Variants in TMEM132D observed in about 807,000 individuals in gnomAD.
TMEM132D encodes the protein transmembrane protein 132D.
A neutral mutation model predicts 62.3 loss-of-function variants in TMEM132D; 21 were observed. That is an observed-to-expected ratio of 0.34 (90% confidence interval 0.24 to 0.49). The LOEUF is 0.49. TMEM132D is among the 20% of genes least tolerant of loss of function. TMEM132D has a pLI of 0.99. For missense variants in TMEM132D, 1,346 were observed against 1,402.8 expected, an observed-to-expected ratio of 0.96 and a Z score of 0.65; for synonymous variants, 621 against 575.6, an observed-to-expected ratio of 1.08 and a Z score of -1.13.
intron 3 of TMEM132D, among the ~76,000 whole-genome samples, chr12:129,362,610 T>C (rs1289794718): frequency 6.6e-6 from 1 of 152,158 alleles, no homozygotes; most frequent in Non-Finnish European, 1.5e-5. Flanking sequence ...TTTTTCTTAT[T>C]TTAAAAAAAC....
intron 2 of TMEM132D, among the ~76,000 whole-genome samples, chr12:129,541,074 T>C (rs1442407802): frequency 6.6e-6 from 1 of 152,208 alleles, no homozygotes; most frequent in African/African-American, 2.4e-5. Context: ...CATGCACACA[T>C]TTCTTACACT....
chr12:129,166,272 T>C (rs1906086), intron 5 of TMEM132D, among the ~76,000 whole-genome samples: 92,559 of 151,572 alleles, frequency 0.61, 28,944 homozygotes, highest in Non-Finnish European at 0.68. Flanking sequence ...ACAATGGGGA[T>C]GGGGGACTGT....
chr12:129,474,140 G>A (rs752709301), intron 3 of TMEM132D, among the ~76,000 whole-genome samples: 16 of 152,222 alleles, frequency 1.1e-4, no homozygotes, highest in South Asian at 2.1e-4. Context: ...CAACACAGTC[G>A]GTTTCTGGGC....
In TMEM132D at chr12:129,795,705, T is replaced by C. The variant is rs563913184; in HGVS notation, c.80-95007A>G. 3.3e-5 allele frequency among the ~76,000 whole-genome samples: 5 copies of C among 152,336 alleles called. No individual in the cohort carries two copies. In the South Asian group the frequency reaches 1.0e-3, roughly 32 times the overall value. On this transcript the variant is annotated intron_variant, in intron 1 of 8. Transcript: ENST00000422113. ...TTTACATCAAAAATGTATGTTGGGT[T>C]TTATCGAAATTGTAGTTGACATACA...
chr12:129,484,761 T>A (rs1480793798), intron 3 of TMEM132D, among the ~76,000 whole-genome samples: 3 of 152,206 alleles, frequency 2.0e-5, no homozygotes, highest in Non-Finnish European at 2.9e-5. Context: ...TTAACTAAAA[T>A]CACACCCAAA....
At chr12:129,370,589 A>T (rs375053875) in intron 3 of TMEM132D, among the ~76,000 whole-genome samples, 2 of 152,368 alleles carry the variant, frequency 1.3e-5, no homozygotes, top group South Asian at 2.1e-4. Flanking sequence ...ACTCTTCTTC[A>T]TAAAGACTTC....
chr12:129,803,491 C>T (rs1043399761), intron 1 of TMEM132D, among the ~76,000 whole-genome samples: 189 of 151,958 alleles, frequency 1.2e-3, no homozygotes, highest in Admixed American at 3.7e-3. Context: ...TTGAAACCAA[C>T]GAGAAGAAAG....
At chr12:129,778,549 C>G (rs1341917868) in intron 1 of TMEM132D, among the ~76,000 whole-genome samples, 3 of 152,212 alleles carry the variant, frequency 2.0e-5, no homozygotes, top group African/African-American at 7.2e-5. Context: ...CCCCCAGGCA[C>G]AGTCATCCTG....
At chr12:129,249,256 T>G (rs1880203846) in intron 4 of TMEM132D, among the ~76,000 whole-genome samples, 1 of 152,370 alleles carries the variant, frequency 6.6e-6, no homozygotes, top group Non-Finnish European at 1.5e-5. Context: ...TGTTTACAAT[T>G]GGCACTTCCT....
intron 3 of TMEM132D, among the ~76,000 whole-genome samples, chr12:129,507,923 C>T (rs1875386620): frequency 6.6e-6 from 1 of 152,068 alleles, no homozygotes; most frequent in South Asian, 2.1e-4. Context: ...ATGTTAGACA[C>T]CAAAACTCCA....
At chr12:129,159,063 AATTCCAGATG>A (rs1169809669) in intron 5 of TMEM132D, among the ~76,000 whole-genome samples, 1 of 152,220 alleles carries the variant, frequency 6.6e-6, no homozygotes, top group Non-Finnish European at 1.5e-5. Context: ...TTGGGATTAC[AATTCCAGATG>A]AGATTTGGGT....
At chr12:129,836,448 A>T (rs1873006993) in intron 1 of TMEM132D, among the ~76,000 whole-genome samples, 1 of 151,774 alleles carries the variant, frequency 6.6e-6, no homozygotes, top group African/African-American at 2.4e-5. Context: ...TTGTTAACTA[A>T]ATGATTCTGA....
rs563674606 is a variant in TMEM132D at position 129,300,272 on chromosome 12, G to A, written c.1299+37362C>T. On this transcript the variant is annotated intron_variant, in intron 4 of 8. Transcript: ENST00000422113. ...GTGATTAACCTGCAAAGCAAGGCAAGTTGCCACATAGGAACCCTATAAGAG... is the reference window on the plus strand; with the variant it reads ...GTGATTAACCTGCAAAGCAAGGCAAATTGCCACATAGGAACCCTATAAGAG... 5.9e-5 allele frequency among the ~76,000 whole-genome samples: 9 copies of A among 152,336 alleles called. No homozygotes were observed. In the South Asian group the frequency reaches 1.9e-3, roughly 32 times the overall value.
chr12:129,535,530 G>A (rs994541765), intron 2 of TMEM132D, among the ~76,000 whole-genome samples: 3 of 152,166 alleles, frequency 2.0e-5, no homozygotes, highest in Admixed American at 2.0e-4. Flanking sequence ...AGAGACTTAG[G>A]CTGATGACAA....
At chr12:129,440,454 G>A (rs557094117) in intron 3 of TMEM132D, among the ~76,000 whole-genome samples, 16 of 152,290 alleles carry the variant, frequency 1.1e-4, no homozygotes, top group African/African-American at 3.6e-4. Context: ...TCAGAACTCA[G>A]ACAGGAAATG....
intron 2 of TMEM132D, among the ~76,000 whole-genome samples, chr12:129,560,809 C>A (rs146460379): frequency 2.0e-5 from 3 of 152,220 alleles, no homozygotes; most frequent in Admixed American, 2.0e-4. Context: ...ACCGGGAATG[C>A]TGCCAGACAC....
At chr12:129,276,854 C>A (rs1220035040) in intron 4 of TMEM132D, among the ~76,000 whole-genome samples, 1 of 152,354 alleles carries the variant, frequency 6.6e-6, no homozygotes, top group East Asian at 1.9e-4. Flanking sequence ...ATTGTTCTTA[C>A]ATTATGCAAA....
At chr12:129,140,560 C>T (rs910672991) in intron 5 of TMEM132D, among the ~76,000 whole-genome samples, 6 of 152,012 alleles carry the variant, frequency 3.9e-5, no homozygotes, top group Admixed American at 1.3e-4. Context: ...TGAGATTCAC[C>T]GGGCATGGTG....
intron 2 of TMEM132D, among the ~76,000 whole-genome samples, chr12:129,539,454 G>C (rs532950998): frequency 6.9e-6 from 1 of 145,746 alleles, no homozygotes; most frequent in South Asian, 2.2e-4. Context: ...ACCCAGACTG[G>C]AGTGCAATGG....
Sources: allele counts gnomAD v4.1 joint callset (sites outside exome capture counted in the v4.1 genomes callset), GRCh38; gene constraint gnomAD v4.1.1; transcripts MANE v1.5; gene names NCBI Gene and HGNC (gene_info 2026-07-23, HGNC 2026-07-21).